The following PRKCQ variants were observed in gnomAD, a reference collection of about 807,000 sequenced individuals.
The protein encoded by PRKCQ is protein kinase C theta.
In PRKCQ, 41 loss-of-function variants were observed where a neutral mutation model predicts 91.2. The observed-to-expected ratio is 0.45, with a 90% CI of 0.35 to 0.58. The LOEUF is 0.58. PRKCQ is among the 20% of genes least tolerant of loss of function. The probability of loss-of-function intolerance (pLI) is 0.00; values close to 1 mark genes in which losing one functional copy is unlikely to be tolerated. For missense variants in PRKCQ, 673 were observed against 896.5 expected (o/e 0.75, Z 3.18); for synonymous variants, 307 against 316.9 (o/e 0.97, Z 0.33).
At chr10:6,486,796 C>A (rs772335275) in intron 8 of PRKCQ, among the ~76,000 whole-genome samples, 7 of 152,242 alleles carry the variant, frequency 4.6e-5, no homozygotes, top group Non-Finnish European at 8.8e-5. Flanking sequence ...CCTTTCCCAC[C>A]TGGGCCATGA....
intron 15 of PRKCQ, among the ~76,000 whole-genome samples, chr10:6,455,939 G>A (rs1397684751): frequency 2.0e-5 from 3 of 152,280 alleles, no homozygotes; most frequent in African/African-American, 7.2e-5. Flanking sequence ...AGTCATGCAG[G>A]GAGATTTGAA....
intron 8 of PRKCQ, among the ~76,000 whole-genome samples, chr10:6,487,165 G>T (rs1224501894): frequency 6.6e-6 from 1 of 152,130 alleles, no homozygotes; most frequent in African/African-American, 2.4e-5. Flanking sequence ...GAAGGGTAGA[G>T]GGCCCCAAGG....
chr10:6,519,621 C>A (rs1397853636), intron 1 of PRKCQ, among the ~76,000 whole-genome samples: 1 of 152,106 alleles, frequency 6.6e-6, no homozygotes, highest in African/African-American at 2.4e-5. Flanking sequence ...AAATGCAGAC[C>A]CCAAGCCAGT....
the PRKCQ span, among the ~76,000 whole-genome samples, chr10:6,408,062 T>G: frequency 1.3e-5 from 2 of 149,008 alleles, no homozygotes; most frequent in South Asian, 2.1e-4. Flanking sequence ...TTTTTTTTTT[T>G]TTTTTTTTTT....
chr10:6,450,658 T>C (rs1174487091), intron 15 of PRKCQ, among the ~76,000 whole-genome samples: 1 of 152,094 alleles, frequency 6.6e-6, no homozygotes, highest in Non-Finnish European at 1.5e-5. Context: ...TATTCCAAAA[T>C]TGACCACATA....
intron 1 of PRKCQ, among the ~76,000 whole-genome samples, chr10:6,539,712 A>G (rs1436273908): frequency 6.6e-6 from 1 of 152,194 alleles, no homozygotes; most frequent in African/African-American, 2.4e-5. Context: ...ATAGGCTTCT[A>G]CAAAACTGGT....
chr10:6,511,292 G>T, intron 2 of PRKCQ, 98 bp from the exon 3 acceptor site: 2 of 1,154,026 alleles, frequency 1.7e-6, no homozygotes, highest in Middle Eastern at 2.9e-4. Context: ...CTGTTCTCTG[G>T]GATATAGAAT....
chr10:6,433,321 A>G (rs1191927914), intron 16 of PRKCQ, among the ~76,000 whole-genome samples: 1 of 152,182 alleles, frequency 6.6e-6, no homozygotes, highest in African/African-American at 2.4e-5. Flanking sequence ...GAGAATTAGC[A>G]CATTGTATCT....
chr10:6,524,879 G>A (rs1390886144), intron 1 of PRKCQ, among the ~76,000 whole-genome samples: 10 of 152,254 alleles, frequency 6.6e-5, no homozygotes, highest in Middle Eastern at 3.4e-3. Context: ...TGGCTGCAGC[G>A]GGCAGGCTCT....
chr10:6,503,933 T>A (rs1423983706), intron 4 of PRKCQ, among the ~76,000 whole-genome samples: 1 of 152,136 alleles, frequency 6.6e-6, no homozygotes, highest in Non-Finnish European at 1.5e-5. Flanking sequence ...TGTGCCACCA[T>A]ACCCAGGTAA....
At chr10:6,552,708 C>T (rs1840236871) in intron 1 of PRKCQ, among the ~76,000 whole-genome samples, 1 of 152,130 alleles carries the variant, frequency 6.6e-6, no homozygotes, top group South Asian at 2.1e-4. Flanking sequence ...CTCAAGTGAT[C>T]CTCCTGCCTT....
At chr10:6,514,967 T>C (rs1196585363) in intron 2 of PRKCQ, 51 bp downstream of exon 2, 5 of 1,610,852 alleles carry the variant, frequency 3.1e-6, no homozygotes, top group Middle Eastern at 2.2e-4. Flanking sequence ...ACACAGTTCA[T>C]AGCAGGATTC....
chr10:6,414,124 G>T, the PRKCQ span, among the ~76,000 whole-genome samples: 15 of 152,168 alleles, frequency 9.9e-5, no homozygotes, highest in African/African-American at 3.4e-4. Context: ...ACTCCGGAAG[G>T]TTCCCTGAGT....
At chr10:6,534,770 A>ATATC (rs1198732785) in intron 1 of PRKCQ, among the ~76,000 whole-genome samples, 1 of 49,170 alleles carries the variant, frequency 2.0e-5, no homozygotes, top group Non-Finnish European at 5.3e-5. Flanking sequence ...ATAGAAACAT[A>ATATC]TATCTATATA....
intron 8 of PRKCQ, chr10:6,489,520 G>A (rs1211500002): frequency 9.8e-6 from 5 of 508,870 alleles, no homozygotes; most frequent in East Asian, 5.7e-5. Flanking sequence ...TACTTAAGAC[G>A]ACGGCCTGCA....
chr10:6,478,314 G>A (rs1243386144), intron 12 of PRKCQ, among the ~76,000 whole-genome samples: 1 of 152,116 alleles, frequency 6.6e-6, no homozygotes, highest in Non-Finnish European at 1.5e-5. Context: ...CTTAAGTGGT[G>A]GGATTATAAG....
rs143229223 is a variant in PRKCQ, at chr10:6,549,109, C to A, written c.-10+31102G>T. On this transcript the variant is annotated intron_variant, in intron 1 of 17. Coordinates refer to ENST00000263125, the MANE Select transcript of PRKCQ (RefSeq NM_006257.5). ...TTACATTCTAATGGGAGCGATGGAACAGCTCTGAAAACTTAAGAAGCAGTA... is the reference window on the plus strand; with the variant it reads ...TTACATTCTAATGGGAGCGATGGAAAAGCTCTGAAAACTTAAGAAGCAGTA... Among the ~76,000 whole-genome samples, 471 of 152,204 alleles carry A rather than the reference C, an allele frequency of 3.1e-3. 2 individuals carry two copies. Among genetic ancestry groups the A allele is most frequent in the African/African-American group, 0.011 (444 of 41,548 alleles).
chr10:6,561,290 T>C (rs1840622796), intron 1 of PRKCQ, among the ~76,000 whole-genome samples: 1 of 143,244 alleles, frequency 7.0e-6, no homozygotes, highest in African/African-American at 2.7e-5. Context: ...GAGGATCACC[T>C]GAGCCTGGGA....
intron 12 of PRKCQ, among the ~76,000 whole-genome samples, chr10:6,470,342 C>A (rs1835891619): frequency 6.6e-6 from 1 of 152,172 alleles, no homozygotes; most frequent in African/African-American, 2.4e-5. Flanking sequence ...TGGTTTAGCA[C>A]TTGAATTTCT....
Sources: allele counts gnomAD v4.1 joint callset (sites outside exome capture counted in the v4.1 genomes callset), GRCh38; gene constraint gnomAD v4.1.1; transcripts MANE v1.5; gene names NCBI Gene and HGNC (gene_info 2026-07-23, HGNC 2026-07-21).